The following DLG2 variants were observed in gnomAD, a reference collection of about 807,000 sequenced individuals.
DLG2 encodes the protein disks large homolog 2.
Under a neutral mutation model 132.5 loss-of-function variants are expected in DLG2, and 45 were observed. The ratio of observed to expected loss-of-function variants is 0.34; its 90% CI spans 0.27 to 0.44. The LOEUF is 0.44. Ranked by LOEUF, DLG2 falls within the 20% of genes least tolerant of loss-of-function variation. The pLI, the probability that DLG2 is intolerant of heterozygous loss-of-function variation, is 1.00. For synonymous variants in DLG2, 424 were observed against 419.6 expected (o/e 1.01, Z -0.13); for missense variants, 1,045 against 1,196.9 (o/e 0.87, Z 1.87).
chr11:85,515,535 A>G lies in DLG2; in HGVS notation c.40+83122T>C, dbSNP rs143378225. ...AAAATTGAGGATATTAATAGTGTCTATCTTAATGCTTAATTCATAATACCT... is the reference window on the plus strand; with the variant it reads ...AAAATTGAGGATATTAATAGTGTCTGTCTTAATGCTTAATTCATAATACCT... On this transcript the variant is annotated intron_variant, in intron 3 of 27. Transcript: ENST00000376104. 4.6e-3 allele frequency among the ~76,000 whole-genome samples: 699 copies of G among 152,088 alleles called. 2 individuals are homozygous for G. Among genetic ancestry groups the G allele is most frequent in the African/African-American group, 0.015 (643 of 41,558 alleles).
At chr11:83,717,628 T>C (rs1443616617) in intron 18 of DLG2, among the ~76,000 whole-genome samples, 1 of 152,244 alleles carries the variant, frequency 6.6e-6, no homozygotes, top group Non-Finnish European at 1.5e-5. Flanking sequence ...ACAGTGTCTG[T>C]CTGTAAAAAC....
chr11:84,909,516 A>C (rs1566356417), intron 6 of DLG2, among the ~76,000 whole-genome samples: 1 of 152,222 alleles, frequency 6.6e-6, no homozygotes, highest in Non-Finnish European at 1.5e-5. Flanking sequence ...TGATTAAAAT[A>C]AATAAAAATT....
chr11:85,396,928 C>T (rs952620614), intron 3 of DLG2, among the ~76,000 whole-genome samples: 1 of 152,114 alleles, frequency 6.6e-6, no homozygotes, highest in Admixed American at 6.5e-5. Flanking sequence ...ATAAGGAGAA[C>T]ACCACAAAGA....
At chr11:85,065,077 C>G (rs1036310530) in intron 6 of DLG2, among the ~76,000 whole-genome samples, 14 of 151,522 alleles carry the variant, frequency 9.2e-5, no homozygotes, top group Non-Finnish European at 2.1e-4. Context: ...GTCTCCTGGT[C>G]TCTGGGCAGT....
At chr11:84,652,705 C>G (rs1482173903) in intron 6 of DLG2, among the ~76,000 whole-genome samples, 3 of 152,108 alleles carry the variant, frequency 2.0e-5, no homozygotes, top group African/African-American at 7.2e-5. Context: ...AGGGACCAGG[C>G]TCAACTGCTA....
At chr11:84,600,126 GAGAA>G (rs1189788883) in intron 6 of DLG2, among the ~76,000 whole-genome samples, 2 of 119,822 alleles carry the variant, frequency 1.7e-5, no homozygotes, top group Non-Finnish European at 3.5e-5. Context: ...AGGAAAGAAA[GAGAA>G]AGAAAGAAAG....
intron 18 of DLG2, among the ~76,000 whole-genome samples, chr11:83,649,744 T>C (rs2069469138): frequency 1.3e-5 from 2 of 152,166 alleles, no homozygotes. Context: ...TGGGAGGCAC[T>C]AACAGGAGAT....
intron 18 of DLG2, among the ~76,000 whole-genome samples, chr11:83,776,975 C>G (rs192339374): frequency 6.0e-4 from 91 of 152,238 alleles, no homozygotes; most frequent in African/African-American, 2.0e-3. Context: ...TGAGCATTCA[C>G]TTTGTATAAT....
intron 4 of DLG2, among the ~76,000 whole-genome samples, chr11:85,168,231 A>C (rs1011618799): frequency 2.7e-4 from 41 of 152,172 alleles, no homozygotes; most frequent in African/African-American, 8.4e-4. Context: ...TACAAAAGTC[A>C]CTATAAAACC....
At chr11:84,049,055 T>C (rs2096297459) in intron 11 of DLG2, among the ~76,000 whole-genome samples, 1 of 151,620 alleles carries the variant, frequency 6.6e-6, no homozygotes, top group African/African-American at 2.4e-5. Flanking sequence ...TTCAGATGAC[T>C]TCCTCACATC....
intron 7 of DLG2, among the ~76,000 whole-genome samples, chr11:84,278,047 GTTTTTTTTT>G (rs55650627): frequency 3.6e-4 from 36 of 99,608 alleles, no homozygotes; most frequent in Non-Finnish European, 2.4e-4. Context: ...GCCTGGCTAA[GTTTTTTTTT>G]TTTTTTTTTT....
intron 3 of DLG2, among the ~76,000 whole-genome samples, chr11:85,501,481 C>T (rs2093801854): frequency 6.6e-6 from 1 of 152,186 alleles, no homozygotes; most frequent in Admixed American, 6.5e-5. Context: ...AGTGAACAGG[C>T]AACCTACAGA....
chr11:84,600,111 A>T (rs955168619), intron 6 of DLG2, among the ~76,000 whole-genome samples: 1 of 150,098 alleles, frequency 6.7e-6, no homozygotes, highest in African/African-American at 2.5e-5. Context: ...AGAAGGAAGG[A>T]AGGAAGGAAA....
intron 18 of DLG2, among the ~76,000 whole-genome samples, chr11:83,770,592 TA>T (rs2094354112): frequency 6.6e-6 from 1 of 152,188 alleles, no homozygotes. Context: ...TGACATATAG[TA>T]AATGCTTGAT....
intron 6 of DLG2, among the ~76,000 whole-genome samples, chr11:84,681,168 A>G (rs1328218309): frequency 2.0e-5 from 3 of 152,208 alleles, no homozygotes. Context: ...AAATGTATTC[A>G]ATAATCATAT....
intron 6 of DLG2, among the ~76,000 whole-genome samples, chr11:84,906,793 C>A (rs972405233): frequency 6.6e-6 from 1 of 152,106 alleles, no homozygotes. Context: ...ATCTCCTATC[C>A]TGACATAGCT....
intron 12 of DLG2, among the ~76,000 whole-genome samples, chr11:83,970,604 T>G (rs559085061): frequency 6.6e-6 from 1 of 152,348 alleles, no homozygotes; most frequent in African/African-American, 2.4e-5. Flanking sequence ...GCTTCCTAGC[T>G]GTGTGATTTG....
chr11:84,942,102 C>CT (rs1015911222), intron 6 of DLG2, among the ~76,000 whole-genome samples: 9 of 152,054 alleles, frequency 5.9e-5, no homozygotes, highest in African/African-American at 2.2e-4. Flanking sequence ...GTAATGTCTC[C>CT]TTTTTCATTT....
At chr11:85,523,098 C>A (rs938086942) in intron 3 of DLG2, among the ~76,000 whole-genome samples, 1 of 152,104 alleles carries the variant, frequency 6.6e-6, no homozygotes, top group Non-Finnish European at 1.5e-5. Flanking sequence ...GGGGGAGGGA[C>A]CTTGTGGGAG....
Sources: gnomAD v4.1 joint callset for allele counts (sites outside exome capture counted in the v4.1 genomes callset) on GRCh38, gnomAD v4.1.1 for gene constraint, MANE v1.5 for transcripts, NCBI Gene and HGNC (gene_info 2026-07-23, HGNC 2026-07-21) for gene names.